FAR2: variants seen among roughly 807,000 people sequenced by gnomAD.
FAR2 encodes fatty acyl-CoA reductase 2.
A neutral mutation model predicts 56.0 loss-of-function variants in FAR2; 19 were observed. That is an observed-to-expected ratio of 0.34 (90% CI 0.24 to 0.50). The LOEUF (loss-of-function observed/expected upper bound fraction) is 0.50. FAR2 is among the 20% of genes least tolerant of loss of function. The pLI, the probability that FAR2 is intolerant of heterozygous loss-of-function variation, is 0.98. For synonymous variants in FAR2, 219 were observed against 218.8 expected, an observed-to-expected ratio of 1.00 and a Z score of -0.01; for missense variants, 508 against 642.2, an observed-to-expected ratio of 0.79 and a Z score of 2.26.
intron 1 of FAR2, among the ~76,000 whole-genome samples, chr12:29,207,813 T>C (rs1025541650): frequency 6.6e-6 from 1 of 152,224 alleles, no homozygotes; most frequent in Non-Finnish European, 1.5e-5. Context: ...TAAAATTCTG[T>C]TAGACCTTTA....
At chr12:29,184,638 T>C (rs955273237) in intron 1 of FAR2, among the ~76,000 whole-genome samples, 3 of 152,006 alleles carry the variant, frequency 2.0e-5, no homozygotes, top group African/African-American at 7.2e-5. Context: ...GGTTTCACCA[T>C]GTTGACCAGG....
Position 29,280,805 on chromosome 12 carries a change from T to C in FAR2, c.189+10167T>C, listed in dbSNP as rs1310188436. On this transcript the variant is annotated intron_variant, in intron 2 of 11. Coordinates refer to ENST00000536681, the MANE Select transcript of FAR2 (RefSeq NM_001271783.2). ...GCACTGGACATCATGTGGAAGGTTT[T>C]TGTGGCCCAGGCCCAGAAGTGCCTA... is the stretch of plus-strand genomic sequence containing the variant. 3 of 152,232 alleles carry C rather than the reference T, an allele frequency of 2.0e-5. No individual in the cohort carries two copies. In the East Asian group the frequency reaches 5.8e-4, roughly 29 times the overall value. 9.4% of individuals were successfully genotyped at this position (152,232 alleles called of 1,614,324 possible).
chr12:29,169,762 C>G (rs1306988667), intron 1 of FAR2, among the ~76,000 whole-genome samples: 2 of 152,112 alleles, frequency 1.3e-5, no homozygotes, highest in Non-Finnish European at 2.9e-5. Context: ...TTATTTCTTG[C>G]AAACTGTCTG....
At position 29,270,547 on chromosome 12, in the gene FAR2, C is replaced by T; in HGVS notation, c.98C>T (p.Thr33Ile). 1.2e-6 allele frequency: 2 copies of T among 1,614,088 alleles called. No individual in the cohort carries two copies. The highest frequency in any genetic ancestry group is 2.2e-5 in the East Asian group (1 of 44,872). Residue 33 changes from threonine (T) to isoleucine (I), a missense_variant, in exon 2 of 12, where the codon ACC becomes ATC. Thr to Ile is a moderately conservative substitution (Grantham distance 89, BLOSUM62 -1). Transcript: ENST00000536681. ...GKVLMEKLFR[T>I]SPDLKVIYIL... Reference sequence around the variant, plus strand: ...GTGCTGATGGAGAAGCTGTTTCGCACCAGCCCAGACCTGAAAGTCATTTAC... The same window carrying T: ...GTGCTGATGGAGAAGCTGTTTCGCATCAGCCCAGACCTGAAAGTCATTTAC...
At chr12:29,151,333 A>G (rs1045189025) in intron 1 of FAR2, 6 of 146,914 alleles carry the variant, frequency 4.1e-5, no homozygotes, top group African/African-American at 1.4e-4. Flanking sequence ...AATCTGATGA[A>G]AGCTATGGAA....
intron 1 of FAR2, among the ~76,000 whole-genome samples, chr12:29,216,984 C>T (rs947936551): frequency 6.6e-6 from 1 of 152,154 alleles, no homozygotes; most frequent in African/African-American, 2.4e-5. Flanking sequence ...TAAGGTAAGG[C>T]TCTCTAATCG....
At chr12:29,270,265 G>A (rs1456004047) in intron 1 of FAR2, 147 bp from the exon 2 acceptor site, 17 of 515,042 alleles carry the variant, frequency 3.3e-5, no homozygotes, top group South Asian at 7.3e-5. Context: ...GGAATGAGTC[G>A]TATTGCTTAA....
At chr12:29,308,623 T>G (rs1591954778) in intron 5 of FAR2, among the ~76,000 whole-genome samples, 2 of 151,596 alleles carry the variant, frequency 1.3e-5, no homozygotes, top group African/African-American at 4.9e-5. Context: ...CACATTTCCC[T>G]CTAGCTGCTC....
chr12:29,246,531 TAAAC>T (rs1406314376), intron 1 of FAR2, among the ~76,000 whole-genome samples: 13 of 152,096 alleles, frequency 8.5e-5, no homozygotes, highest in Admixed American at 8.5e-4. Context: ...TTTAGATCGA[TAAAC>T]AAAATAAACA....
At chr12:29,311,801 G>A (rs932656204) in intron 7 of FAR2, 82 bp from the exon 8 acceptor site, 16 of 1,021,686 alleles carry the variant, frequency 1.6e-5, no homozygotes, top group Non-Finnish European at 2.2e-5. Context: ...AAACCACTCT[G>A]TCTAAATATT....
intron 1 of FAR2, among the ~76,000 whole-genome samples, chr12:29,257,473 T>C (rs982468045): frequency 6.6e-5 from 10 of 152,180 alleles, no homozygotes; most frequent in Non-Finnish European, 1.3e-4. Flanking sequence ...AAGCCAGCAG[T>C]GGCAACCCGC....
chr12:29,317,038 A>C, intron 9 of FAR2, 26 bp downstream of exon 9: 3 of 1,602,558 alleles, frequency 1.9e-6, no homozygotes, highest in Non-Finnish European at 2.6e-6. Flanking sequence ...AATGGCTTTG[A>C]GAGTGTCACT....
intron 1 of FAR2, among the ~76,000 whole-genome samples, chr12:29,196,903 C>G (rs939284675): frequency 3.3e-5 from 5 of 152,064 alleles, no homozygotes; most frequent in African/African-American, 1.2e-4. Flanking sequence ...ACACAGACAG[C>G]TCAAGAACAA....
chr12:29,264,231 A>G (rs1298882288), intron 1 of FAR2, among the ~76,000 whole-genome samples: 1 of 152,230 alleles, frequency 6.6e-6, no homozygotes, highest in Non-Finnish European at 1.5e-5. Flanking sequence ...CCATATGATC[A>G]TTTCAGTTAA....
intron 2 of FAR2, among the ~76,000 whole-genome samples, chr12:29,284,903 G>A (rs989868318): frequency 5.9e-5 from 9 of 152,024 alleles, no homozygotes; most frequent in Middle Eastern, 3.2e-3. Context: ...GTGCAGTGGC[G>A]CGATCTCGGC....
At chr12:29,179,831 C>T (rs1281099569) in intron 1 of FAR2, among the ~76,000 whole-genome samples, 3 of 152,010 alleles carry the variant, frequency 2.0e-5, no homozygotes, top group Admixed American at 1.3e-4. Flanking sequence ...AAGGGACCAC[C>T]GTTGATGGGA....
chr12:29,184,983 T>C (rs1317817097), intron 1 of FAR2, among the ~76,000 whole-genome samples: 1 of 152,250 alleles, frequency 6.6e-6, no homozygotes, highest in South Asian at 2.1e-4. Flanking sequence ...GTTGCTAACC[T>C]TAAACCTCAG....
chr12:29,196,703 C>CA lies in FAR2; in HGVS notation c.-39+47304dup, dbSNP rs1000784024. ...AAAAACTTCTGGACATTGGCCTAGGCAAAAAAAATCATGAGTAAGATCTCA... is the reference window on the plus strand; with the variant it reads ...AAAAACTTCTGGACATTGGCCTAGGCAAAAAAAAATCATGAGTAAGATCTCA... On this transcript the variant is annotated intron_variant, in intron 1 of 11. Coordinates refer to ENST00000536681, the MANE Select transcript of FAR2 (RefSeq NM_001271783.2). Among the ~76,000 whole-genome samples the CA allele has an allele frequency of 1.3e-4, 19 of 150,916 alleles. 1 individual carries two copies. Among genetic ancestry groups the CA allele is most frequent in the Admixed American group, 9.9e-4 (15 of 15,188 alleles).
chr12:29,299,625 T>C (rs1040605652), intron 4 of FAR2, among the ~76,000 whole-genome samples: 2 of 152,186 alleles, frequency 1.3e-5, no homozygotes, highest in African/African-American at 2.4e-5. Context: ...AGGAACTAAG[T>C]TTTTTTAAAA....
Sources: allele counts gnomAD v4.1 joint callset (sites outside exome capture counted in the v4.1 genomes callset), GRCh38; gene constraint gnomAD v4.1.1; transcripts MANE v1.5; gene names NCBI Gene and HGNC (gene_info 2026-07-23, HGNC 2026-07-21).